MS4A18: variants seen among roughly 807,000 people sequenced by gnomAD.
MS4A18 encodes membrane spanning 4-domains A18, also known as membrane-spanning 4-domains subfamily A member 18.
Under a neutral mutation model 13.1 loss-of-function variants are expected in MS4A18, and 27 were observed. That is an observed-to-expected ratio of 2.06 (90% CI 1.52 to 2.84). The LOEUF is 2.84. Ranked by LOEUF, MS4A18 falls within the 30% of genes most tolerant of loss-of-function variation. The pLI, the probability that MS4A18 is intolerant of heterozygous loss-of-function variation, is 0.00. For missense variants in MS4A18, 307 were observed against 196.4 expected (o/e 1.56, Z -3.37); for synonymous variants, 126 against 76.5 (o/e 1.65, Z -3.38).
upstream of MS4A18, among the ~76,000 whole-genome samples, chr11:60,729,073 C>T (rs547834745): frequency 1.3e-5 from 2 of 152,306 alleles, no homozygotes; most frequent in East Asian, 3.9e-4. Context: ...AGACTGTGAA[C>T]AAAAGGTCTA....
At chr11:60,739,656 A>T (rs1853388044) in intron 4 of MS4A18, among the ~76,000 whole-genome samples, 1 of 152,176 alleles carries the variant, frequency 6.6e-6, no homozygotes. Context: ...TCAATCATTG[A>T]TCAAAAACTG....
exon 6 of MS4A18, chr11:60,743,960 G>A: frequency 1.4e-6 from 1 of 703,030 alleles, no homozygotes; most frequent in Non-Finnish European, 2.6e-6. Flanking sequence ...ATCCACACCA[G>A]CAATGTACCC....
downstream of MS4A18, chr11:60,744,294 A>C: frequency 3.1e-6 from 1 of 326,648 alleles, no homozygotes; most frequent in South Asian, 3.7e-5. Context: ...CTGTTGAAAA[A>C]CCGGTTCTAA....
At chr11:60,740,848 C>G (rs1386241582) in intron 4 of MS4A18, among the ~76,000 whole-genome samples, 182 bp from the exon 6 acceptor site, 4 of 152,112 alleles carry the variant, frequency 2.6e-5, no homozygotes, top group Non-Finnish European at 5.9e-5. Context: ...GAAGTCAGGC[C>G]AGTGACTAAG....
chr11:60,725,402 A>G (rs189446508), upstream of MS4A18, among the ~76,000 whole-genome samples: 1,285 of 152,112 alleles, frequency 8.4e-3, 15 homozygotes, highest in South Asian at 0.047. Context: ...CACCGTGTTA[A>G]CCAGGATGGT....
Position 60,736,967 on chromosome 11 carries a change from T to TTTTTTC in MS4A18, c.592-11_592-10insTTTTTC. On this transcript the variant is annotated splice_polypyrimidine_tract_variant and intron_variant, in intron 2 of 5. Coordinates refer to ENST00000529108, the Ensembl canonical transcript of MS4A18. The stretch of plus-strand genomic sequence containing the variant: ...TTGGTCATTCTTTTTTTTTTTTTTT[T>TTTTTTC]GTCTGCGTAGTATATTGTATCTGGA... 2.9e-6 allele frequency: 2 copies of TTTTTTC among 680,940 alleles called. No individual in the cohort carries two copies. Among genetic ancestry groups the TTTTTTC allele is most frequent in the Non-Finnish European group, 5.3e-6 (2 of 377,902 alleles). The allele number at this position is 680,940 out of a possible 1,614,324, so 42.2% of individuals were successfully genotyped here.
upstream of MS4A18, among the ~76,000 whole-genome samples, chr11:60,727,796 A>C (rs1057193042): frequency 7.2e-5 from 11 of 152,202 alleles, no homozygotes; most frequent in Non-Finnish European, 1.6e-4. Context: ...CTTCGCATCT[A>C]ATAATATCTT....
downstream of MS4A18, among the ~76,000 whole-genome samples, chr11:60,744,407 G>T (rs1853457682): frequency 6.6e-6 from 1 of 152,158 alleles, no homozygotes; most frequent in Admixed American, 6.5e-5. Flanking sequence ...GAGCAATGTG[G>T]AGTGTGTTCA....
chr11:60,733,553 G>T (rs1290694722), exon 2 of MS4A18: 1 of 703,268 alleles, frequency 1.4e-6, no homozygotes, highest in Non-Finnish European at 2.6e-6. Flanking sequence ...ATCCTCATCG[G>T]CCTGACGCAC....
chr11:60,736,079 T>G (rs1853335536), intron 2 of MS4A18, among the ~76,000 whole-genome samples: 1 of 152,168 alleles, frequency 6.6e-6, no homozygotes, highest in Non-Finnish European at 1.5e-5. Flanking sequence ...TGCATGCAGC[T>G]GGCTCTTTTC....
chr11:60,741,032 A>G (rs1053068198), exon 5 of MS4A18: 1 of 703,004 alleles, frequency 1.4e-6, no homozygotes, highest in South Asian at 1.5e-5. Flanking sequence ...GCCTTTAGAC[A>G]TATTCAAAGG....
At chr11:60,729,451 T>G in exon 1 of MS4A18, 1 of 702,738 alleles carries the variant, frequency 1.4e-6, no homozygotes, top group Non-Finnish European at 2.6e-6. Context: ...TTACCCAATC[T>G]CACCAAAAGT....
chr11:60,734,425 A>G (rs1207751530), intron 2 of MS4A18, among the ~76,000 whole-genome samples: 1 of 152,216 alleles, frequency 6.6e-6, no homozygotes, highest in Non-Finnish European at 1.5e-5. Flanking sequence ...CATGTTGGGT[A>G]TACATACGAC....
chr11:60,727,412 G>T (rs543446200), upstream of MS4A18, among the ~76,000 whole-genome samples: 3 of 152,342 alleles, frequency 2.0e-5, no homozygotes, highest in Non-Finnish European at 4.4e-5. Context: ...GAACTGAGAA[G>T]TGGACTTAGG....
chr11:60,738,774 T>C, intron 3 of MS4A18, 128 bp from the exon 5 acceptor site: 1 of 598,730 alleles, frequency 1.7e-6, no homozygotes, highest in East Asian at 2.8e-5. Context: ...TAAATGCTTC[T>C]CCACCCTGCC....
chr11:60,730,510 G>A (rs1454302622), intron 1 of MS4A18, among the ~76,000 whole-genome samples: 1 of 152,200 alleles, frequency 6.6e-6, no homozygotes, highest in African/African-American at 2.4e-5. Flanking sequence ...GATGAAGGAG[G>A]GTCTTTGTTC....
chr11:60,743,675 T>G, exon 6 of MS4A18: 1 of 702,952 alleles, frequency 1.4e-6, no homozygotes, highest in Middle Eastern at 2.3e-4. Flanking sequence ...CCAACCGTAT[T>G]CAGTTTCAAC....
chr11:60,738,845 C>T (rs1198510268), intron 3 of MS4A18, 57 bp from the exon 5 acceptor site: 1 of 695,728 alleles, frequency 1.4e-6, no homozygotes, highest in Non-Finnish European at 2.6e-6. Flanking sequence ...TCCCCACAAG[C>T]CAGGCTTCAG....
At chr11:60,730,262 G>C (rs560473041) in intron 1 of MS4A18, among the ~76,000 whole-genome samples, 62 of 152,338 alleles carry the variant, frequency 4.1e-4, no homozygotes, top group African/African-American at 1.3e-3. Context: ...TTTCAATCAA[G>C]GGGGCCTCTG....
Sources: gnomAD v4.1 joint callset for allele counts (sites outside exome capture counted in the v4.1 genomes callset) on GRCh38, gnomAD v4.1.1 for gene constraint, MANE v1.5 for transcripts, NCBI Gene and HGNC (gene_info 2026-07-23, HGNC 2026-07-21) for gene names.